TAFA2: variants seen among roughly 807,000 people sequenced by gnomAD.
TAFA2 encodes chemokine-like protein TAFA-2.
Under a neutral mutation model 18.8 loss-of-function variants are expected in TAFA2, and 7 were observed. The ratio of observed to expected loss-of-function variants is 0.37; its 90% CI spans 0.21 to 0.70. The LOEUF (loss-of-function observed/expected upper bound fraction) is 0.70, where lower values mean the gene tolerates loss of function less well. Among genes scored for constraint, TAFA2 ranks in the 30% least tolerant of loss-of-function variants. TAFA2 has a pLI of 0.53. For missense variants in TAFA2, 122 were observed against 158.1 expected (o/e 0.77, Z 1.23); for synonymous variants, 60 against 54.2 (o/e 1.11, Z -0.47).
chr12:61,801,176 T>C (rs1871383404), intron 2 of TAFA2, among the ~76,000 whole-genome samples: 1 of 152,162 alleles, frequency 6.6e-6, no homozygotes, highest in Non-Finnish European at 1.5e-5. Flanking sequence ...ATTAATATTG[T>C]TAAAATGTCA....
At chr12:62,051,693 G>A (rs1218531317) in intron 1 of TAFA2, among the ~76,000 whole-genome samples, 1 of 151,776 alleles carries the variant, frequency 6.6e-6, no homozygotes, top group Non-Finnish European at 1.5e-5. Flanking sequence ...ATGCATACCT[G>A]TCACCTGTCC....
Position 61,798,755 on chromosome 12 carries a change from C to G in TAFA2, c.107-43731G>C, listed in dbSNP as rs183675021. Among the ~76,000 whole-genome samples, 190 of 152,296 alleles carry G rather than the reference C, an allele frequency of 1.2e-3. 1 individual carries two copies. The highest frequency in any genetic ancestry group is 3.4e-3 in the Middle Eastern group (1 of 294). On this transcript the variant is annotated intron_variant, in intron 2 of 4. Coordinates refer to ENST00000416284, the MANE Select transcript of TAFA2 (RefSeq NM_178539.5). ...AGGACAACTATCAAAATGCAAAGTTCTCTCATACTTACATATTACATTGTT... is the reference window on the plus strand; with the variant it reads ...AGGACAACTATCAAAATGCAAAGTTGTCTCATACTTACATATTACATTGTT...
At chr12:62,112,241 T>C (rs534022281) in intron 1 of TAFA2, among the ~76,000 whole-genome samples, 5 of 152,320 alleles carry the variant, frequency 3.3e-5, no homozygotes, top group African/African-American at 1.2e-4. Context: ...TCTCCTTTGC[T>C]TATGAAGCTT....
chr12:62,022,342 T>G (rs887155068), intron 1 of TAFA2, among the ~76,000 whole-genome samples: 13 of 152,206 alleles, frequency 8.5e-5, no homozygotes, highest in Non-Finnish European at 1.6e-4. Context: ...AAAATGGTGA[T>G]CCTAGAAGAA....
chr12:61,951,476 T>C (rs1384245817), intron 1 of TAFA2, among the ~76,000 whole-genome samples: 1 of 152,062 alleles, frequency 6.6e-6, no homozygotes, highest in Admixed American at 6.6e-5. Context: ...CACCTATATG[T>C]GTAAATGTCC....
At chr12:61,932,123 TA>T (rs1270374742) in intron 1 of TAFA2, among the ~76,000 whole-genome samples, 4 of 152,214 alleles carry the variant, frequency 2.6e-5, no homozygotes, top group Admixed American at 1.3e-4. Flanking sequence ...CTAGTATTCA[TA>T]AATGAAAAGC....
At chr12:61,895,983 A>G (rs1875824935) in intron 1 of TAFA2, among the ~76,000 whole-genome samples, 1 of 152,094 alleles carries the variant, frequency 6.6e-6, no homozygotes, top group Non-Finnish European at 1.5e-5. Context: ...GGATTTCATG[A>G]AACTACAAAT....
At chr12:61,966,003 T>G (rs1005960386) in intron 1 of TAFA2, among the ~76,000 whole-genome samples, 1 of 151,868 alleles carries the variant, frequency 6.6e-6, no homozygotes, top group African/African-American at 2.4e-5. Flanking sequence ...TTTGGGGTAT[T>G]TTAAATAACA....
intron 2 of TAFA2, among the ~76,000 whole-genome samples, chr12:61,848,202 C>T (rs868095843): frequency 1.3e-5 from 2 of 152,126 alleles, no homozygotes; most frequent in African/African-American, 2.4e-5. Context: ...GCAAATAAAT[C>T]GGAGCTGGTT....
chr12:61,932,376 AG>A (rs1358672948), intron 1 of TAFA2, among the ~76,000 whole-genome samples: 5 of 152,218 alleles, frequency 3.3e-5, no homozygotes, highest in Non-Finnish European at 7.3e-5. Context: ...GACTGAGAAA[AG>A]AAATCACTCG....
intron 4 of TAFA2, 104 bp from the exon 5 acceptor site, chr12:61,710,521 G>A (rs1869349403): frequency 1.1e-6 from 1 of 912,218 alleles, no homozygotes; most frequent in Admixed American, 2.0e-5. Flanking sequence ...GCTGGTGTTT[G>A]CTATATCAAA....
At chr12:62,007,360 C>T (rs1307053748) in intron 1 of TAFA2, among the ~76,000 whole-genome samples, 1 of 152,150 alleles carries the variant, frequency 6.6e-6, no homozygotes, top group Non-Finnish European at 1.5e-5. Flanking sequence ...TTACTTGTTA[C>T]TATCAAAGTG....
rs369703499 is a variant in TAFA2 at position 61,912,099 on chromosome 12, C to A, written c.-1-44673G>T. Reference sequence around the variant, plus strand: ...ATGTCACTTAAACTTCAGAACAACTCTGTAGTGTATTTATTAATTCCCTAT... The same window carrying A: ...ATGTCACTTAAACTTCAGAACAACTATGTAGTGTATTTATTAATTCCCTAT... On this transcript the variant is annotated intron_variant, in intron 1 of 4. Transcript: ENST00000416284. 4.1e-4 allele frequency among the ~76,000 whole-genome samples: 63 copies of A among 152,292 alleles called. 1 individual carries two copies. In the South Asian group the frequency reaches 0.012, roughly 30 times the overall value.
intron 2 of TAFA2, among the ~76,000 whole-genome samples, chr12:61,836,756 T>TACATAC (rs1872945781): frequency 8.3e-6 from 1 of 119,842 alleles, no homozygotes; most frequent in Non-Finnish European, 1.8e-5. Context: ...TATATATATA[T>TACATAC]ACACACACAC....
intron 1 of TAFA2, among the ~76,000 whole-genome samples, chr12:62,024,689 A>G (rs1221780882): frequency 6.6e-6 from 1 of 152,158 alleles, no homozygotes; most frequent in Non-Finnish European, 1.5e-5. Flanking sequence ...TAATGGGAGA[A>G]AATATGTGCA....
At chr12:61,827,303 C>A (rs746363157) in intron 2 of TAFA2, 2 of 152,000 alleles carry the variant, frequency 1.3e-5, no homozygotes, top group East Asian at 1.9e-4. Context: ...AAAGCAATAA[C>A]CTTCTGTCTT....
At chr12:62,057,424 A>G (rs1003870501) in intron 1 of TAFA2, among the ~76,000 whole-genome samples, 2 of 152,036 alleles carry the variant, frequency 1.3e-5, no homozygotes, top group African/African-American at 4.8e-5. Flanking sequence ...TTGGTGATCC[A>G]TCTCCTAAAA....
chr12:62,238,588 T>G (rs1210408465), intron 1 of TAFA2, among the ~76,000 whole-genome samples: 4 of 152,196 alleles, frequency 2.6e-5, no homozygotes, highest in Non-Finnish European at 4.4e-5. Context: ...TTAGACATTT[T>G]GATTCCACAA....
chr12:61,867,296 G>GAA (rs34255534), intron 2 of TAFA2, 24 bp downstream of exon 2: 20,299 of 1,244,706 alleles, frequency 0.016, 1 homozygote, highest in Admixed American at 0.023. Context: ...ACATTTAGTT[G>GAA]AAAAAAAAAA....
Sources: allele counts gnomAD v4.1 joint callset (sites outside exome capture counted in the v4.1 genomes callset), GRCh38; gene constraint gnomAD v4.1.1; transcripts MANE v1.5; gene names NCBI Gene and HGNC (gene_info 2026-07-23, HGNC 2026-07-21).